DOCK5: variants seen among roughly 807,000 people sequenced by gnomAD.
The protein encoded by DOCK5 is dedicator of cytokinesis protein 5.
Under a neutral mutation model 251.8 loss-of-function variants are expected in DOCK5, and 142 were observed. The ratio of observed to expected loss-of-function variants is 0.56; its 90% confidence interval spans 0.49 to 0.65. The LOEUF (loss-of-function observed/expected upper bound fraction) is 0.65, where lower values mean the gene tolerates loss of function less well. DOCK5 is among the 30% of genes least tolerant of loss of function. The pLI is 0.00. For synonymous variants in DOCK5, 842 were observed against 835.5 expected, an observed-to-expected ratio of 1.01 and a Z score of -0.13; for missense variants, 2,111 against 2,312.3, an observed-to-expected ratio of 0.91 and a Z score of 1.79.
At chr8:25,347,655 A>G (rs1036003704) in intron 26 of DOCK5, among the ~76,000 whole-genome samples, 1 of 152,344 alleles carries the variant, frequency 6.6e-6, no homozygotes, top group South Asian at 2.1e-4. Context: ...GCCAGGGATC[A>G]GTGTTCTAGA....
Position 25,209,318 on chromosome 8 carries a change from A to G in DOCK5, c.43+24367A>G, listed in dbSNP as rs111227784. Among the ~76,000 whole-genome samples the G allele has an allele frequency of 8.7e-3, 617 of 71,152 alleles. 177 individuals carry two copies. The highest frequency in any genetic ancestry group is 0.019 in the African/African-American group (591 of 31,422). 46.7% of individuals were successfully genotyped at this position (71,152 alleles called of 152,430 possible). On this transcript the variant is annotated intron_variant, in intron 1 of 51. Coordinates refer to ENST00000276440, the MANE Select transcript of DOCK5 (RefSeq NM_024940.8). ...AATGAGGTCGCTACTCTGGGAGCCC[A>G]GTGGTCCAGGATGCCAGTCTGGCAG...
chr8:25,291,645 T>C (rs1030503463), intron 5 of DOCK5, among the ~76,000 whole-genome samples: 1 of 139,940 alleles, frequency 7.1e-6, no homozygotes, highest in East Asian at 2.2e-4. Context: ...TTTGTGCCAC[T>C]GCACTCCAGC....
intron 1 of DOCK5, among the ~76,000 whole-genome samples, chr8:25,226,898 A>T (rs761757973): frequency 1.8e-4 from 27 of 152,146 alleles, no homozygotes; most frequent in Non-Finnish European, 3.7e-4. Context: ...CCATGTTTTA[A>T]ATCCATACCA....
chr8:25,387,649 T>C (rs377169658), intron 40 of DOCK5, among the ~76,000 whole-genome samples: 6 of 152,240 alleles, frequency 3.9e-5, no homozygotes, highest in African/African-American at 1.2e-4. Context: ...CTTTGAAACC[T>C]CTGCCTGCCA....
intron 27 of DOCK5, among the ~76,000 whole-genome samples, chr8:25,357,963 C>T (rs954903618): frequency 6.6e-6 from 1 of 152,118 alleles, no homozygotes; most frequent in Non-Finnish European, 1.5e-5. Flanking sequence ...AATTCCTGAA[C>T]TCACAAATGG....
intron 46 of DOCK5, 51 bp from the exon 47 acceptor site, chr8:25,400,878 C>A: frequency 6.2e-7 from 1 of 1,600,742 alleles, no homozygotes; most frequent in Non-Finnish European, 8.5e-7. Flanking sequence ...CAAATCAAAA[C>A]GATCCCTCTT....
intron 1 of DOCK5, among the ~76,000 whole-genome samples, chr8:25,236,712 C>G (rs1362767431): frequency 6.6e-6 from 1 of 151,982 alleles, no homozygotes; most frequent in Admixed American, 6.5e-5. Context: ...TTCTGAGTAG[C>G]TGGGATTACA....
chr8:25,251,179 G>A (rs1275846582), intron 2 of DOCK5, among the ~76,000 whole-genome samples: 5 of 152,144 alleles, frequency 3.3e-5, no homozygotes, highest in Non-Finnish European at 7.3e-5. Flanking sequence ...ACAAGCTCAC[G>A]AGAAAGGGCG....
At chr8:25,217,544 G>C (rs1250479878) in intron 1 of DOCK5, among the ~76,000 whole-genome samples, 1 of 152,120 alleles carries the variant, frequency 6.6e-6, no homozygotes, top group Middle Eastern at 3.2e-3. Context: ...CAGACATCAG[G>C]CAAATAGAGT....
At chr8:25,346,600 T>C (rs112636825) in intron 26 of DOCK5, among the ~76,000 whole-genome samples, 5,153 of 99,462 alleles carry the variant, frequency 0.052, 1,127 homozygotes, top group African/African-American at 0.19. Context: ...CCGAGGTGGA[T>C]GGATCACGAG....
intron 2 of DOCK5, among the ~76,000 whole-genome samples, chr8:25,255,505 G>A (rs747363993): frequency 5.3e-5 from 8 of 152,150 alleles, no homozygotes; most frequent in East Asian, 1.9e-4. Context: ...AAAAAGATTC[G>A]TGGTTGCCAG....
At chr8:25,336,621 G>A (rs1256235570) in intron 22 of DOCK5, among the ~76,000 whole-genome samples, 1 of 152,188 alleles carries the variant, frequency 6.6e-6, no homozygotes, top group African/African-American at 2.4e-5. Context: ...AGATTCCTGT[G>A]GAAAGATTGT....
chr8:25,251,702 G>C (rs571537520), intron 2 of DOCK5, among the ~76,000 whole-genome samples: 1 of 152,270 alleles, frequency 6.6e-6, no homozygotes, highest in East Asian at 1.9e-4. Context: ...AAAAAGAAGA[G>C]AGTGGGCTGG....
Position 25,275,542 on chromosome 8 carries a change from C to A in DOCK5, c.224+101C>A. The A allele has an allele frequency of 3.3e-6, 4 of 1,207,356 alleles. No individual in the cohort carries two copies. The South Asian group carries it at 4.2e-5, about 13-fold the overall frequency. The allele number at this position is 1,207,356 out of a possible 1,614,324, so 74.8% of individuals were successfully genotyped here. The stretch of plus-strand genomic sequence containing the variant: ...TAATGCCTTATGTACGTTAATAGTT[C>A]TCTCATCTCAGGCCAGGCGTGGTGG... On this transcript the variant is annotated intron_variant, in intron 4 of 51. Coordinates refer to ENST00000276440, the MANE Select transcript of DOCK5 (RefSeq NM_024940.8).
intron 5 of DOCK5, among the ~76,000 whole-genome samples, chr8:25,279,959 T>C (rs1041401704): frequency 2.0e-5 from 3 of 152,048 alleles, no homozygotes; most frequent in Non-Finnish European, 2.9e-5. Context: ...GAGATGGGGT[T>C]TTACCATGCT....
At chr8:25,350,710 C>T (rs1800451739) in intron 26 of DOCK5, among the ~76,000 whole-genome samples, 1 of 152,214 alleles carries the variant, frequency 6.6e-6, no homozygotes, top group African/African-American at 2.4e-5. Flanking sequence ...TCCCAGCTTG[C>T]AGACAGCTAC....
chr8:25,370,716 A>G (rs953201713), intron 34 of DOCK5, among the ~76,000 whole-genome samples: 3 of 152,084 alleles, frequency 2.0e-5, no homozygotes, highest in South Asian at 4.1e-4. Context: ...CGTGTTGCCA[A>G]GGCTGGTCTC....
intron 3 of DOCK5, 142 bp downstream of exon 3, chr8:25,269,027 A>G (rs1563331978): frequency 2.9e-6 from 2 of 695,362 alleles, no homozygotes; most frequent in African/African-American, 1.9e-5. Context: ...TGGATTTGAA[A>G]GCAAATTCTC....
chr8:25,299,588 A>G (rs1334737158), intron 8 of DOCK5: 1 of 152,396 alleles, frequency 6.6e-6, no homozygotes, highest in Non-Finnish European at 1.5e-5. Flanking sequence ...TAATGTTACT[A>G]CTATGGTCGG....
Sources: gnomAD v4.1 joint callset for allele counts (sites outside exome capture counted in the v4.1 genomes callset) on GRCh38, gnomAD v4.1.1 for gene constraint, MANE v1.5 for transcripts, NCBI Gene and HGNC (gene_info 2026-07-23, HGNC 2026-07-21) for gene names.